Variants in NPAS3 observed in about 807,000 individuals in gnomAD.
NPAS3 encodes neuronal PAS domain-containing protein 3.
In NPAS3, 14 loss-of-function variants were observed where a neutral mutation model predicts 73.1. That is an observed-to-expected ratio of 0.19 (90% CI 0.13 to 0.30). NPAS3 has a LOEUF of 0.30. Among genes scored for constraint, NPAS3 ranks in the 10% least tolerant of loss-of-function variants. The pLI is 1.00. For synonymous variants in NPAS3, 620 were observed against 541.5 expected, an observed-to-expected ratio of 1.14 and a Z score of -2.01; for missense variants, 1,096 against 1,250.0, an observed-to-expected ratio of 0.88 and a Z score of 1.86.
At chr14:33,431,750 TC>T (rs1373307020) in intron 4 of NPAS3, among the ~76,000 whole-genome samples, 5 of 152,174 alleles carry the variant, frequency 3.3e-5, no homozygotes, top group East Asian at 1.9e-4. Context: ...TTTTGATGAT[TC>T]TTTTTTTATA....
At chr14:33,692,836 TAAAAAA>T (rs34684535) in intron 6 of NPAS3, among the ~76,000 whole-genome samples, 1,485 of 64,032 alleles carry the variant, frequency 0.023, 26 homozygotes, top group Non-Finnish European at 0.03. Flanking sequence ...CCCAATGTCT[TAAAAAA>T]AAAAAAAAAA....
intron 4 of NPAS3, among the ~76,000 whole-genome samples, chr14:33,411,351 T>G (rs1320697029): frequency 6.6e-6 from 1 of 151,992 alleles, no homozygotes; most frequent in Admixed American, 6.6e-5. Context: ...CCCAGCTAAT[T>G]TTTGTATTTT....
chr14:33,063,426 C>A (rs949010970), intron 2 of NPAS3, among the ~76,000 whole-genome samples: 2 of 152,146 alleles, frequency 1.3e-5, no homozygotes, highest in African/African-American at 4.8e-5. Flanking sequence ...AAATTATGAT[C>A]CACTAGCCAC....
chr14:33,198,665 C>T (rs1337431209), intron 2 of NPAS3, among the ~76,000 whole-genome samples: 1 of 152,240 alleles, frequency 6.6e-6, no homozygotes, highest in Admixed American at 6.5e-5. Flanking sequence ...CTCAGGAGCC[C>T]AGCTGGTTTC....
chr14:33,019,268 T>C (rs574292579), intron 1 of NPAS3, among the ~76,000 whole-genome samples: 86 of 152,346 alleles, frequency 5.6e-4, no homozygotes, highest in African/African-American at 2.0e-3. Flanking sequence ...GCATTTTAAT[T>C]AGTGATTCAA....
intron 2 of NPAS3, among the ~76,000 whole-genome samples, chr14:33,110,796 C>G (rs2042868337): frequency 6.6e-6 from 1 of 152,150 alleles, no homozygotes. Flanking sequence ...GGAACCACAA[C>G]AGCTAGTTGA....
At chr14:32,960,452 A>G (rs995113656) in intron 1 of NPAS3, among the ~76,000 whole-genome samples, 2 of 152,210 alleles carry the variant, frequency 1.3e-5, no homozygotes, top group Non-Finnish European at 2.9e-5. Flanking sequence ...CCAGCGCTTA[A>G]TGGTGGTTGG....
At chr14:33,240,005 T>C (rs999728184) in intron 3 of NPAS3, among the ~76,000 whole-genome samples, 33 of 151,882 alleles carry the variant, frequency 2.2e-4, no homozygotes, top group Admixed American at 2.1e-3. Flanking sequence ...AGATGGTTGA[T>C]TGCTTAATGG....
chr14:33,627,903 A>G (rs1474284927), intron 5 of NPAS3, among the ~76,000 whole-genome samples: 1 of 152,222 alleles, frequency 6.6e-6, no homozygotes, highest in Non-Finnish European at 1.5e-5. Flanking sequence ...CCATGTAAAT[A>G]AACCCTCAAG....
intron 5 of NPAS3, among the ~76,000 whole-genome samples, chr14:33,672,158 G>A (rs561874792): frequency 8.5e-5 from 13 of 152,246 alleles, no homozygotes; most frequent in African/African-American, 3.1e-4. Flanking sequence ...GGTTATGAAA[G>A]ACAGACACTA....
chr14:33,207,234 TACACACACACACACAC>T (rs760045327), intron 2 of NPAS3, among the ~76,000 whole-genome samples: 1 of 88,326 alleles, frequency 1.1e-5, no homozygotes, highest in African/African-American at 3.9e-5. Flanking sequence ...CAAAGAACAT[TACACACACACACACAC>T]ACACACACAC....
intron 4 of NPAS3, among the ~76,000 whole-genome samples, chr14:33,473,774 C>T (rs1335853849): frequency 6.6e-6 from 1 of 152,134 alleles, no homozygotes; most frequent in African/African-American, 2.4e-5. Flanking sequence ...TGCAGTTTAG[C>T]TTGCTGCCTG....
At chr14:33,206,655 C>A (rs1473149284) in intron 2 of NPAS3, among the ~76,000 whole-genome samples, 2 of 152,090 alleles carry the variant, frequency 1.3e-5, no homozygotes, top group Non-Finnish European at 2.9e-5. Context: ...TGGACCTTGA[C>A]TGAAATATAG....
rs139979125 is a variant in NPAS3, at chr14:33,666,282, A to T, written c.559-9929A>T. On this transcript the variant is annotated intron_variant, in intron 5 of 11. Transcript: ENST00000356141. ...TCTTATAAGCTCCAGTGCAGTTAAA[A>T]CCCTCTTGTGTCCTGGATTGCTCCT... Among the ~76,000 whole-genome samples the T allele has an allele frequency of 3.1e-3, 478 of 151,872 alleles. 1 individual carries two copies. The highest frequency in any genetic ancestry group is 5.7e-3 in the Non-Finnish European group (386 of 67,934).
At chr14:33,412,011 G>A (rs2047949513) in intron 4 of NPAS3, among the ~76,000 whole-genome samples, 1 of 152,066 alleles carries the variant, frequency 6.6e-6, no homozygotes, top group African/African-American at 2.4e-5. Context: ...TATACTATAT[G>A]GCACCCTAAC....
chr14:33,479,122 T>C (rs914775491), intron 4 of NPAS3, among the ~76,000 whole-genome samples: 1 of 152,326 alleles, frequency 6.6e-6, no homozygotes, highest in African/African-American at 2.4e-5. Context: ...AGCACGACAT[T>C]ATTGTTAAAC....
At chr14:33,484,012 C>T (rs2051458618) in intron 4 of NPAS3, among the ~76,000 whole-genome samples, 1 of 152,122 alleles carries the variant, frequency 6.6e-6, no homozygotes, top group Non-Finnish European at 1.5e-5. Context: ...TACTGTATGC[C>T]AGGTACTGTT....
intron 5 of NPAS3, among the ~76,000 whole-genome samples, chr14:33,586,283 A>C (rs1469774555): frequency 6.8e-6 from 1 of 147,834 alleles, no homozygotes; most frequent in African/African-American, 2.5e-5. Flanking sequence ...ACTTTCCAAA[A>C]GGATTTTGAG....
chr14:33,389,171 TCAAAA>T (rs2138574290), intron 4 of NPAS3, among the ~76,000 whole-genome samples: 1 of 152,320 alleles, frequency 6.6e-6, no homozygotes. Flanking sequence ...CAATAGTACT[TCAAAA>T]CAAGTAAACG....
Sources: gnomAD v4.1 joint callset for allele counts (sites outside exome capture counted in the v4.1 genomes callset) on GRCh38, gnomAD v4.1.1 for gene constraint, MANE v1.5 for transcripts, NCBI Gene and HGNC (gene_info 2026-07-23, HGNC 2026-07-21) for gene names.